The following INPP4B variants were observed in gnomAD, a reference collection of about 807,000 sequenced individuals.
INPP4B encodes inositol polyphosphate 4-phosphatase type II.
A neutral mutation model predicts 122.5 loss-of-function variants in INPP4B; 55 were observed. That is an observed-to-expected ratio of 0.45 (90% CI 0.36 to 0.56). INPP4B has a LOEUF of 0.56. INPP4B is among the 20% of genes least tolerant of loss of function. INPP4B has a pLI of 0.00. For synonymous variants in INPP4B, 403 were observed against 388.7 expected (o/e 1.04, Z -0.43); for missense variants, 1,000 against 1,097.7 (o/e 0.91, Z 1.26).
intron 2 of INPP4B, among the ~76,000 whole-genome samples, chr4:142,472,839 T>C (rs1262300354): frequency 2.0e-5 from 3 of 152,182 alleles, no homozygotes; most frequent in African/African-American, 2.4e-5. Context: ...TGGAATCCAA[T>C]ACAAAATGCA....
At chr4:142,527,874 C>T (rs79798849) in intron 2 of INPP4B, among the ~76,000 whole-genome samples, 3,651 of 151,336 alleles carry the variant, frequency 0.024, 142 homozygotes, top group African/African-American at 0.082. Flanking sequence ...ACTGTGTTAA[C>T]GTGTTCTTTT....
At chr4:142,540,218 T>C (rs1246056012) in intron 2 of INPP4B, among the ~76,000 whole-genome samples, 1 of 152,080 alleles carries the variant, frequency 6.6e-6, no homozygotes, top group Non-Finnish European at 1.5e-5. Flanking sequence ...GTGGAGACCT[T>C]GAATAATAAA....
rs369124515 is a variant in INPP4B, at chr4:142,714,582, T to C, written c.-191+11257A>G. On this transcript the variant is annotated intron_variant, in intron 2 of 25. Transcript: ENST00000262992. Reference sequence around the variant, plus strand: ...ATAAACTTGTTGATCATTGATATTATTTCCCTGATTCTATTTGTTTTTGCT... The same window carrying C: ...ATAAACTTGTTGATCATTGATATTACTTCCCTGATTCTATTTGTTTTTGCT... Among the ~76,000 whole-genome samples, 20 of 152,350 alleles carry C rather than the reference T, an allele frequency of 1.3e-4. No homozygotes were observed. The East Asian group carries it at 1.5e-3, about 12-fold the overall frequency.
At chr4:142,365,770 T>TG (rs372959454) in intron 7 of INPP4B, among the ~76,000 whole-genome samples, 61,321 of 150,628 alleles carry the variant, frequency 0.41, 12,713 homozygotes, top group East Asian at 0.64. Context: ...ATTTTTACAA[T>TG]TTTTTTTTCT....
intron 2 of INPP4B, among the ~76,000 whole-genome samples, chr4:142,666,014 A>G (rs940014422): frequency 2.0e-5 from 3 of 152,232 alleles, no homozygotes; most frequent in Non-Finnish European, 4.4e-5. Flanking sequence ...AATAAAAGTT[A>G]TGTCAATCTG....
rs139532715 is a variant in INPP4B at position 142,567,326 on chromosome 4, G to C, written c.-190-104600C>G. On this transcript the variant is annotated intron_variant, in intron 2 of 25. Transcript: ENST00000262992. ...ACCCATCACTTCACACACTGGGTCC[G>C]AGAGCACAGCTGCCCTGACAGGAAA... Among the ~76,000 whole-genome samples the C allele has an allele frequency of 1.8e-4, 27 of 152,262 alleles. No individual in the cohort carries two copies. In the East Asian group the frequency reaches 2.9e-3, roughly 16 times the overall value.
chr4:142,048,872 C>A (rs1490802482), intron 25 of INPP4B, among the ~76,000 whole-genome samples: 1 of 151,982 alleles, frequency 6.6e-6, no homozygotes. Context: ...TTGAAATAAT[C>A]AAGGTGTGAG....
chr4:142,358,888 G>A (rs990516457), intron 7 of INPP4B, among the ~76,000 whole-genome samples: 4 of 151,952 alleles, frequency 2.6e-5, no homozygotes, highest in Non-Finnish European at 5.9e-5. Context: ...GAGCAGTGGT[G>A]AGAGGGCTAC....
intron 1 of INPP4B, among the ~76,000 whole-genome samples, chr4:142,770,121 A>G (rs1202224750): frequency 2.6e-5 from 4 of 152,146 alleles, no homozygotes; most frequent in Non-Finnish European, 4.4e-5. Context: ...AAATTACATT[A>G]CAAACTGACT....
At chr4:142,209,769 G>C (rs897310381) in intron 12 of INPP4B, among the ~76,000 whole-genome samples, 1 of 136,890 alleles carries the variant, frequency 7.3e-6, no homozygotes, top group African/African-American at 2.8e-5. Context: ...CTCCAGCCTG[G>C]GTGACAGAGT....
intron 2 of INPP4B, among the ~76,000 whole-genome samples, chr4:142,465,382 T>C (rs896326994): frequency 3.3e-5 from 5 of 152,184 alleles, no homozygotes; most frequent in African/African-American, 1.2e-4. Flanking sequence ...CAAGACGTTA[T>C]TTAACATTTA....
At chr4:142,125,046 G>T (rs989820301) in intron 18 of INPP4B, among the ~76,000 whole-genome samples, 1 of 152,080 alleles carries the variant, frequency 6.6e-6, no homozygotes, top group African/African-American at 2.4e-5. Flanking sequence ...GTATCTTAGT[G>T]AGTGGTGCCA....
chr4:142,631,598 C>A (rs1257545420), intron 2 of INPP4B, among the ~76,000 whole-genome samples: 2 of 152,024 alleles, frequency 1.3e-5, no homozygotes, highest in East Asian at 1.9e-4. Context: ...TCTTACAAAA[C>A]TGGAAGCATG....
At chr4:142,398,954 G>A (rs1411672378) in intron 7 of INPP4B, among the ~76,000 whole-genome samples, 1 of 152,036 alleles carries the variant, frequency 6.6e-6, no homozygotes, top group African/African-American at 2.4e-5. Flanking sequence ...GCAAAAAGAG[G>A]GGTGTCAATG....
chr4:142,325,987 A>G (rs1772212454), intron 7 of INPP4B, among the ~76,000 whole-genome samples: 1 of 152,238 alleles, frequency 6.6e-6, no homozygotes, highest in Non-Finnish European at 1.5e-5. Context: ...TTTATCAGAG[A>G]ATCACTGAAA....
rs149761524 is a variant in INPP4B at position 142,541,794 on chromosome 4, G to A, written c.-190-79068C>T. On this transcript the variant is annotated intron_variant, in intron 2 of 25. Transcript: ENST00000262992. ...TGGCTTCCCCAGCACCCAGTTCCTG[G>A]AGCACATGTAACGTTCTCAGCTCCA... 1.6e-3 allele frequency among the ~76,000 whole-genome samples: 243 copies of A among 152,058 alleles called. 3 individuals are homozygous for A. The highest frequency in any genetic ancestry group is 5.4e-3 in the African/African-American group (226 of 41,482).
chr4:142,516,142 G>A (rs1825388260), intron 2 of INPP4B, among the ~76,000 whole-genome samples: 1 of 152,100 alleles, frequency 6.6e-6, no homozygotes, highest in African/African-American at 2.4e-5. Flanking sequence ...TCAGGGGAAG[G>A]TTTTCAGCAA....
At chr4:142,341,464 CTT>C (rs1186372693) in intron 7 of INPP4B, among the ~76,000 whole-genome samples, 1 of 152,020 alleles carries the variant, frequency 6.6e-6, no homozygotes, top group South Asian at 2.1e-4. Context: ...AGCTGTGTGA[CTT>C]TGGTTAATTT....
At chr4:142,567,318 C>G (rs958992864) in intron 2 of INPP4B, among the ~76,000 whole-genome samples, 7 of 152,188 alleles carry the variant, frequency 4.6e-5, no homozygotes, top group African/African-American at 1.7e-4. Context: ...ACTTCACACA[C>G]TGGGTCCGAG....
Sources: allele counts gnomAD v4.1 joint callset (sites outside exome capture counted in the v4.1 genomes callset), GRCh38; gene constraint gnomAD v4.1.1; transcripts MANE v1.5; gene names NCBI Gene and HGNC (gene_info 2026-07-23, HGNC 2026-07-21).